SENP7: variants seen among roughly 807,000 people sequenced by gnomAD.
SENP7 encodes the protein sentrin-specific protease 7.
SENP7 carries 64 observed loss-of-function variants against 141.2 expected under a neutral mutation model. The observed-to-expected ratio is 0.45, with a 90% confidence interval of 0.37 to 0.56. The LOEUF is 0.56. Among genes scored for constraint, SENP7 ranks in the 20% least tolerant of loss-of-function variants. SENP7 has a pLI of 0.00. For missense variants in SENP7, 1,025 were observed against 1,212.2 expected (o/e 0.85, Z 2.29); for synonymous variants, 382 against 426.4 (o/e 0.90, Z 1.28).
chr3:101,449,072 G>A (rs368389171), intron 4 of SENP7, among the ~76,000 whole-genome samples: 4 of 152,212 alleles, frequency 2.6e-5, no homozygotes, highest in African/African-American at 7.2e-5. Context: ...AGAAGTACGC[G>A]GCAAATGCAC....
At chr3:101,437,137 T>C (rs1435369616) in intron 4 of SENP7, among the ~76,000 whole-genome samples, 2 of 152,202 alleles carry the variant, frequency 1.3e-5, no homozygotes, top group Non-Finnish European at 2.9e-5. Context: ...AAACATCACA[T>C]GTTCTCACTT....
chr3:101,332,673 T>C (rs1032885194), intron 18 of SENP7, 97 bp downstream of exon 18: 4 of 653,974 alleles, frequency 6.1e-6, no homozygotes, highest in South Asian at 4.3e-5. Context: ...CTGAGATGTA[T>C]GTGGCCATAA....
chr3:101,333,400 C>G (rs887493012), intron 17 of SENP7: 7 of 152,622 alleles, frequency 4.6e-5, no homozygotes, highest in Non-Finnish European at 1.0e-4. Context: ...AGAAAATTAG[C>G]CAGGGTGGTG....
chr3:101,369,352 C>T (rs1427231798), intron 7 of SENP7, among the ~76,000 whole-genome samples: 1 of 152,192 alleles, frequency 6.6e-6, no homozygotes, highest in African/African-American at 2.4e-5. Flanking sequence ...TACATCTTCT[C>T]TTCAAACTAT....
chr3:101,501,028 T>C (rs1403218555), intron 2 of SENP7, 42 bp downstream of exon 2: 1 of 1,302,568 alleles, frequency 7.7e-7, no homozygotes, highest in East Asian at 2.4e-5. Context: ...TCAATATCAG[T>C]AACTCCAAAG....
chr3:101,434,626 T>C (rs536691739), intron 4 of SENP7, among the ~76,000 whole-genome samples: 2 of 152,188 alleles, frequency 1.3e-5, no homozygotes, highest in East Asian at 3.9e-4. Context: ...GGATCATTAG[T>C]GGCTACAATG....
chr3:101,362,019 T>C (rs2059915859), intron 10 of SENP7, among the ~76,000 whole-genome samples, 158 bp from the exon 11 acceptor site: 1 of 152,184 alleles, frequency 6.6e-6, no homozygotes, highest in South Asian at 2.1e-4. Flanking sequence ...TCTAGATTTT[T>C]TTTCTGAAAA....
chr3:101,410,386 A>G (rs1244093437), intron 5 of SENP7, among the ~76,000 whole-genome samples: 1 of 152,196 alleles, frequency 6.6e-6, no homozygotes, highest in Admixed American at 6.5e-5. Flanking sequence ...TTAAAGAACT[A>G]AAAGTAGAAC....
chr3:101,346,839 C>T (rs1576027408), intron 13 of SENP7, among the ~76,000 whole-genome samples: 1 of 151,962 alleles, frequency 6.6e-6, no homozygotes, highest in South Asian at 2.1e-4. Context: ...GCACTAATAT[C>T]TCACAAATTA....
chr3:101,505,610 TTAAA>T (rs774977840), intron 1 of SENP7, among the ~76,000 whole-genome samples: 2 of 152,152 alleles, frequency 1.3e-5, no homozygotes, highest in Non-Finnish European at 2.9e-5. Context: ...TCTGGAGTGT[TTAAA>T]TAAGCATATG....
intron 6 of SENP7, among the ~76,000 whole-genome samples, chr3:101,374,488 G>C (rs2060264708): frequency 6.6e-6 from 1 of 152,164 alleles, no homozygotes; most frequent in Non-Finnish European, 1.5e-5. Flanking sequence ...GGGCATGGTA[G>C]TTGACGCCTG....
intron 4 of SENP7, among the ~76,000 whole-genome samples, chr3:101,449,156 A>G (rs2063017600): frequency 6.6e-6 from 1 of 152,042 alleles, no homozygotes; most frequent in African/African-American, 2.4e-5. Context: ...TGAAATGAAG[A>G]GAGAAGTTTA....
At chr3:101,437,440 A>G (rs1576345495) in intron 4 of SENP7, among the ~76,000 whole-genome samples, 1 of 152,246 alleles carries the variant, frequency 6.6e-6, no homozygotes. Context: ...TGACGTGCTT[A>G]TTTCACATTG....
intron 4 of SENP7, among the ~76,000 whole-genome samples, chr3:101,448,951 C>T (rs974127129): frequency 4.0e-5 from 6 of 151,862 alleles, no homozygotes; most frequent in African/African-American, 1.5e-4. Context: ...AAGTTCGAAC[C>T]CATGGAAAAG....
At chr3:101,327,627 G>GT in intron 23 of SENP7, 39 bp downstream of exon 23, 1 of 1,524,922 alleles carries the variant, frequency 6.6e-7, no homozygotes, top group Non-Finnish European at 8.9e-7. Context: ...CCGTATGGTG[G>GT]TAACTGTGAA....
chr3:101,489,143 C>T (rs1207436175), intron 3 of SENP7, among the ~76,000 whole-genome samples: 1 of 149,196 alleles, frequency 6.7e-6, no homozygotes, highest in Non-Finnish European at 1.5e-5. Context: ...ACCAGCCTTA[C>T]AAGAAAGAGG....
intron 4 of SENP7, among the ~76,000 whole-genome samples, chr3:101,431,942 T>C (rs954515079): frequency 6.6e-6 from 1 of 152,178 alleles, no homozygotes; most frequent in African/African-American, 2.4e-5. Flanking sequence ...CTTGCACCTT[T>C]GGTACCAGCA....
chr3:101,447,209 C>G (rs1189639836), intron 4 of SENP7, among the ~76,000 whole-genome samples: 1 of 152,068 alleles, frequency 6.6e-6, no homozygotes, highest in Non-Finnish European at 1.5e-5. Flanking sequence ...CTCTGGGAAG[C>G]CAAGGAAGGA....
rs1028704232 is a variant in SENP7 at position 101,390,229 on chromosome 3, A to G, written c.677+8632T>C. Among the ~76,000 whole-genome samples the G allele has an allele frequency of 2.0e-5, 3 of 146,750 alleles. No homozygotes were observed. In the Admixed American group the frequency reaches 2.1e-4, roughly 10 times the overall value. On this transcript the variant is annotated intron_variant, in intron 6 of 23. Transcript: ENST00000394095. ...AGCGAGACTCTGTCTCAAAAAAAAA[A>G]AAAAAAAAAAAAAACCCAGAAAGAC... is the stretch of plus-strand genomic sequence containing the variant.
Sources: allele counts gnomAD v4.1 joint callset (sites outside exome capture counted in the v4.1 genomes callset), GRCh38; gene constraint gnomAD v4.1.1; transcripts MANE v1.5; gene names NCBI Gene and HGNC (gene_info 2026-07-23, HGNC 2026-07-21).